CAV1: variants seen among roughly 807,000 people sequenced by gnomAD.
CAV1 encodes caveolin 1, also known as caveolin-1.
CAV1 carries 10 observed loss-of-function variants against 16.5 expected under a neutral mutation model. The observed-to-expected ratio is 0.61, with a 90% CI of 0.37 to 1.03. The LOEUF (loss-of-function observed/expected upper bound fraction) is 1.03. Ranked by LOEUF, CAV1 falls within the 50% of genes least tolerant of loss-of-function variation. The probability of loss-of-function intolerance (pLI) is 0.01; values close to 1 mark genes in which losing one functional copy is unlikely to be tolerated. For missense variants in CAV1, 212 were observed against 232.8 expected (o/e 0.91, Z 0.58); for synonymous variants, 76 against 85.1 (o/e 0.89, Z 0.59).
At chr7:116,555,223 G>C (rs1794233998) in intron 2 of CAV1, among the ~76,000 whole-genome samples, 1 of 151,886 alleles carries the variant, frequency 6.6e-6, no homozygotes, top group South Asian at 2.1e-4. Context: ...CAGGAGAACT[G>C]CTTGAGCTCA....
intron 2 of CAV1, among the ~76,000 whole-genome samples, chr7:116,549,393 A>G (rs1270579536): frequency 6.6e-6 from 1 of 152,190 alleles, no homozygotes; most frequent in Non-Finnish European, 1.5e-5. Context: ...TTTAAAGGTG[A>G]AGACTTCTGA....
Position 116,559,781 on chromosome 7 carries a change from G to A in CAV1, c.*494G>A, listed in dbSNP as rs1794370025. Reference sequence around the variant, plus strand: ...CTGTTTAAGGAGTTAGTGGATTACTGCCATTCACTTCATAATCCAGTAGGA... The same window carrying A: ...CTGTTTAAGGAGTTAGTGGATTACTACCATTCACTTCATAATCCAGTAGGA... On this transcript the variant is annotated 3_prime_UTR_variant, in exon 3 of 3. Coordinates refer to ENST00000341049, the MANE Select transcript of CAV1 (RefSeq NM_001753.5). 2.4e-6 allele frequency: 1 copy of A among 416,248 alleles called. No homozygotes were observed. The highest frequency in any genetic ancestry group is 4.2e-6 in the Non-Finnish European group (1 of 237,080). The allele number at this position is 416,248 out of a possible 1,614,324, so 25.8% of individuals were successfully genotyped here. A position where few individuals can be genotyped will look rare whatever the true frequency, so the allele number is the denominator to read the frequency against.
chr7:116,534,104 G>C (rs1310972071), intron 2 of CAV1, among the ~76,000 whole-genome samples: 2 of 151,832 alleles, frequency 1.3e-5, no homozygotes, highest in African/African-American at 2.4e-5. Flanking sequence ...TGTAGTCCCA[G>C]CTACTTTGGT....
chr7:116,555,043 T>G (rs1197101539), intron 2 of CAV1, among the ~76,000 whole-genome samples: 4 of 152,192 alleles, frequency 2.6e-5, no homozygotes, highest in Non-Finnish European at 5.9e-5. Flanking sequence ...TGGTGAAGAT[T>G]ATTACAAATA....
At position 116,555,448 on chromosome 7, in the gene CAV1, A is replaced by AAAGGAAGGAAGGAAGGAAGGAAGGAAGG. The variant is rs113043378; in HGVS notation, c.196-3496_196-3469dup. Among the ~76,000 whole-genome samples the AAAGGAAGGAAGGAAGGAAGGAAGGAAGG allele has an allele frequency of 3.0e-3, 113 of 37,398 alleles. 24 individuals carry two copies. The highest frequency in any genetic ancestry group is 0.023 in the East Asian group (17 of 728). 24.5% of individuals were successfully genotyped at this position (37,398 alleles called of 152,430 possible). ...AGCAAGAACCTGTCTCCAAAAAAAG[A>AAAGGAAGGAAGGAAGGAAGGAAGGAAGG]AAGGAAGGAAGGAAGGAAGGAAGGA... On this transcript the variant is annotated intron_variant, in intron 2 of 2. Transcript: ENST00000341049.
At position 116,534,394 on chromosome 7, in the gene CAV1, TA is replaced by T. The variant is rs1310095743; in HGVS notation, c.195+7706del. On this transcript the variant is annotated intron_variant, in intron 2 of 2. Coordinates refer to ENST00000341049, the MANE Select transcript of CAV1 (RefSeq NM_001753.5). ...ATATATATATATATATATATATATATATTTTTTTTTTTTTTTTTTTTTTGAG... is the reference window on the plus strand; with the variant it reads ...ATATATATATATATATATATATATATTTTTTTTTTTTTTTTTTTTTTTGAG... Among the ~76,000 whole-genome samples, 63 of 13,496 alleles carry T rather than the reference TA, an allele frequency of 4.7e-3. 1 individual carries two copies. The highest frequency in any genetic ancestry group is 0.015 in the South Asian group (5 of 340). The allele number at this position is 13,496 out of a possible 152,430, so 8.9% of individuals were successfully genotyped here.
Position 116,534,381 on chromosome 7 carries a change from ATATATATATATATATTTTTTTTT to A in CAV1, c.195+7694_195+7716del, listed in dbSNP as rs1255433138. Among the ~76,000 whole-genome samples the A allele has an allele frequency of 2.5e-3, 29 of 11,484 alleles. 2 individuals are homozygous for A. Among genetic ancestry groups the A allele is most frequent in the Non-Finnish European group, 3.9e-3 (23 of 5,848 alleles). 7.5% of individuals were successfully genotyped at this position (11,484 alleles called of 152,430 possible). ...ACCTCAGATATATATATATATATAT[ATATATATATATATATTTTTTTTT>A]TTTTTTTTTTTTTGAGACGATGTCT... On this transcript the variant is annotated intron_variant, in intron 2 of 2. Transcript: ENST00000341049.
At chr7:116,534,080 T>C (rs1029265664) in intron 2 of CAV1, among the ~76,000 whole-genome samples, 1 of 151,758 alleles carries the variant, frequency 6.6e-6, no homozygotes, top group African/African-American at 2.4e-5. Context: ...TAGCTGGGCA[T>C]GGTGGCATGC....
At chr7:116,550,596 A>C (rs899033619) in intron 2 of CAV1, among the ~76,000 whole-genome samples, 7 of 152,044 alleles carry the variant, frequency 4.6e-5, no homozygotes, top group Non-Finnish European at 7.4e-5. Context: ...CTATTTCTCA[A>C]CCTCCTCTGC....
At chr7:116,542,464 G>A (rs976923830) in intron 2 of CAV1, among the ~76,000 whole-genome samples, 2 of 152,108 alleles carry the variant, frequency 1.3e-5, no homozygotes, top group Non-Finnish European at 2.9e-5. Context: ...ATTGGGTCTG[G>A]TTTAGACTCT....
chr7:116,551,339 G>T (rs1011260497), intron 2 of CAV1, among the ~76,000 whole-genome samples: 1 of 152,130 alleles, frequency 6.6e-6, no homozygotes, highest in Admixed American at 6.5e-5. Flanking sequence ...GCATACCTGG[G>T]TATAAATCCA....
chr7:116,547,587 C>G (rs956460838), intron 2 of CAV1, among the ~76,000 whole-genome samples: 1 of 152,152 alleles, frequency 6.6e-6, no homozygotes, highest in Non-Finnish European at 1.5e-5. Flanking sequence ...CATTGACTTG[C>G]TAGAGATGAG....
intron 2 of CAV1, among the ~76,000 whole-genome samples, chr7:116,553,675 T>A (rs3757733): frequency 0.26 from 40,131 of 152,010 alleles, 5,432 homozygotes; most frequent in African/African-American, 0.32. Context: ...GTTCTGCTCA[T>A]ATTCTAAGTG....
intron 2 of CAV1, among the ~76,000 whole-genome samples, chr7:116,540,773 A>G (rs1186156291): frequency 6.6e-6 from 1 of 152,250 alleles, no homozygotes; most frequent in African/African-American, 2.4e-5. Flanking sequence ...AAGACTTGAA[A>G]TAAAACAGAT....
chr7:116,545,516 T>C (rs756990042), intron 2 of CAV1, among the ~76,000 whole-genome samples: 12 of 152,236 alleles, frequency 7.9e-5, no homozygotes, highest in Non-Finnish European at 1.6e-4. Context: ...GAGATTTATT[T>C]CATTCATTTT....
At chr7:116,525,755 CCCG>C (rs1584765878) in intron 1 of CAV1, 4 of 1,053,136 alleles carry the variant, frequency 3.8e-6, no homozygotes, top group East Asian at 8.2e-5. Flanking sequence ...CCTTCAGCCA[CCCG>C]CCCGCAGCCT....
intron 2 of CAV1, among the ~76,000 whole-genome samples, chr7:116,537,089 A>C (rs1289653506): frequency 6.6e-6 from 1 of 151,864 alleles, no homozygotes; most frequent in African/African-American, 2.4e-5. Context: ...CAGGGGAACT[A>C]CATATTCTTA....
Position 116,560,518 on chromosome 7 carries a change from C to G in CAV1, c.*1231C>G, listed in dbSNP as rs927237257. On this transcript the variant is annotated 3_prime_UTR_variant, in exon 3 of 3. Coordinates refer to ENST00000341049, the MANE Select transcript of CAV1 (RefSeq NM_001753.5). ...CCCTCCCCCTGCCAGGAGCTTTGGA[C>G]CTAATCCAAGCATCCCTTTGCCCAG... 1 of 152,106 alleles carries G rather than the reference C, an allele frequency of 6.6e-6. No homozygotes were observed. Among genetic ancestry groups the G allele is most frequent in the African/African-American group, 2.4e-5 (1 of 41,422 alleles). The allele number at this position is 152,106 out of a possible 1,614,324, so 9.4% of individuals were successfully genotyped here.
At chr7:116,539,028 AGCCAAACCATATCAG>A (rs1793883798) in intron 2 of CAV1, among the ~76,000 whole-genome samples, 1 of 152,160 alleles carries the variant, frequency 6.6e-6, no homozygotes, top group African/African-American at 2.4e-5. Context: ...GTGGGGACAC[AGCCAAACCATATCAG>A]GCATTCAACC....
Sources: allele counts gnomAD v4.1 joint callset (sites outside exome capture counted in the v4.1 genomes callset), GRCh38; gene constraint gnomAD v4.1.1; transcripts MANE v1.5; gene names NCBI Gene and HGNC (gene_info 2026-07-23, HGNC 2026-07-21).